The following MAML2 variants were observed in gnomAD, a reference collection of about 807,000 sequenced individuals.
MAML2 encodes the protein mastermind like transcriptional coactivator 2, also known as mastermind-like protein 2.
Under a neutral mutation model 96.1 loss-of-function variants are expected in MAML2, and 22 were observed. That is an observed-to-expected ratio of 0.23 (90% CI 0.16 to 0.33). The LOEUF (loss-of-function observed/expected upper bound fraction) is 0.33, where lower values mean the gene tolerates loss of function less well. Ranked by LOEUF, MAML2 falls within the 10% of genes least tolerant of loss-of-function variation. The probability of loss-of-function intolerance (pLI) is 1.00; values close to 1 mark genes in which losing one functional copy is unlikely to be tolerated. For missense variants in MAML2, 1,367 were observed against 1,392.4 expected, an observed-to-expected ratio of 0.98 and a Z score of 0.29; for synonymous variants, 561 against 521.3, an observed-to-expected ratio of 1.08 and a Z score of -1.04.
chr11:95,979,058 C>A lies in MAML2; in HGVS notation c.3361G>T (p.Ala1121Ser), dbSNP rs766799147. Residue 1121 changes from alanine (A) to serine (S), a missense_variant, in exon 5 of 5, where the codon GCC (alanine) becomes TCC (serine). Coordinates refer to ENST00000524717, the MANE Select transcript of MAML2 (RefSeq NM_032427.4). The part of the protein sequence containing the change: ...LSQQNDNMGP[A>S]LNSDADFIDS... ...ATGAAATCAGCATCACTGTTTAGGG[C>A]AGGGCCCATGTTATCATTTTGTTGG... The A allele has an allele frequency of 1.2e-6, 2 of 1,613,892 alleles. No individual in the cohort carries two copies. The highest frequency in any genetic ancestry group is 1.7e-6 in the Non-Finnish European group (2 of 1,179,892).
chr11:96,298,459 A>C (rs984114442), intron 1 of MAML2, among the ~76,000 whole-genome samples: 5 of 152,128 alleles, frequency 3.3e-5, no homozygotes, highest in African/African-American at 1.2e-4. Flanking sequence ...GAGACTCAGG[A>C]AATGTAAACA....
intron 2 of MAML2, among the ~76,000 whole-genome samples, chr11:96,047,834 C>T (rs1858926726): frequency 7.0e-6 from 1 of 143,002 alleles, no homozygotes; most frequent in African/African-American, 2.6e-5. Context: ...ATCGTTTGAA[C>T]CCAGGAGGCG....
intron 1 of MAML2, among the ~76,000 whole-genome samples, chr11:96,214,152 A>T (rs1862014659): frequency 6.6e-6 from 1 of 152,226 alleles, no homozygotes; most frequent in South Asian, 2.1e-4. Flanking sequence ...TTTCTATGGA[A>T]TATAATATAT....
At chr11:96,144,053 T>A (rs1040055686) in intron 1 of MAML2, among the ~76,000 whole-genome samples, 3 of 152,160 alleles carry the variant, frequency 2.0e-5, no homozygotes, top group African/African-American at 7.2e-5. Context: ...GCAATTGAAA[T>A]GATGAGTTTA....
intron 2 of MAML2, among the ~76,000 whole-genome samples, chr11:96,065,731 G>T (rs185784793): frequency 6.6e-6 from 1 of 152,322 alleles, no homozygotes; most frequent in African/African-American, 2.4e-5. Flanking sequence ...GGAACACAGA[G>T]AATTTAGGTA....
chr11:96,249,944 A>C (rs1212889711), intron 1 of MAML2, among the ~76,000 whole-genome samples: 1 of 152,118 alleles, frequency 6.6e-6, no homozygotes, highest in Non-Finnish European at 1.5e-5. Flanking sequence ...TGTTCCTGCT[A>C]CCTCTCAGAA....
At chr11:96,206,856 A>G (rs1413245842) in intron 1 of MAML2, among the ~76,000 whole-genome samples, 1 of 152,180 alleles carries the variant, frequency 6.6e-6, no homozygotes, top group Non-Finnish European at 1.5e-5. Flanking sequence ...GAGGTATGAA[A>G]AGGAGCACCG....
chr11:96,114,764 G>C (rs945393629), intron 1 of MAML2, among the ~76,000 whole-genome samples: 1 of 152,210 alleles, frequency 6.6e-6, no homozygotes, highest in Non-Finnish European at 1.5e-5. Flanking sequence ...AGGTGTCTTT[G>C]TCAGTAGAAA....
Position 96,172,187 on chromosome 11 carries a change from G to A in MAML2, c.514-78670C>T, listed in dbSNP as rs142280186. ...GGTGCTCAATAAATATTTTTTGAAT[G>A]AATACATGAATGCTTAAAACCTCAT... is the stretch of plus-strand genomic sequence containing the variant. On this transcript the variant is annotated intron_variant, in intron 1 of 4. Transcript: ENST00000524717. Among the ~76,000 whole-genome samples the A allele has an allele frequency of 3.3e-3, 503 of 152,298 alleles. 1 individual carries two copies. The highest frequency in any genetic ancestry group is 0.012 in the African/African-American group (482 of 41,552).
intron 1 of MAML2, among the ~76,000 whole-genome samples, chr11:96,104,178 A>T (rs1474443777): frequency 6.6e-6 from 1 of 152,166 alleles, no homozygotes; most frequent in African/African-American, 2.4e-5. Flanking sequence ...GTCTGTCTCC[A>T]CATGTTATAA....
At chr11:95,997,290 G>A (rs559798612) in intron 2 of MAML2, among the ~76,000 whole-genome samples, 2 of 152,170 alleles carry the variant, frequency 1.3e-5, no homozygotes, top group East Asian at 1.9e-4. Flanking sequence ...AGTTTTCCAC[G>A]TTTGTGAGTG....
chr11:95,976,804 G>A lies in MAML2; in HGVS notation c.*2144C>T, dbSNP rs1487613543. ...TGGGAAGTGCTGGCAGATATATACA[G>A]TAACATGGAGGAGCCATACAACAAA... On this transcript the variant is annotated 3_prime_UTR_variant, in exon 5 of 5. Transcript: ENST00000524717. The A allele has an allele frequency of 1.1e-5, 2 of 185,202 alleles. No homozygotes were observed. Among genetic ancestry groups the A allele is most frequent in the Non-Finnish European group, 2.3e-5 (2 of 87,520 alleles). 11.5% of individuals were successfully genotyped at this position (185,202 alleles called of 1,614,324 possible).
rs532450404 is a variant in MAML2 at position 96,295,296 on chromosome 11, CAG to C, written c.513+46085_513+46086del. Among the ~76,000 whole-genome samples, 228 of 152,152 alleles carry C rather than the reference CAG, an allele frequency of 1.5e-3. 1 individual carries two copies. Among genetic ancestry groups the C allele is most frequent in the African/African-American group, 5.2e-3 (217 of 41,514 alleles). ...CAGGCAAATAAACTTTCAATAAAAA[CAG>C]ACAGTCAGGATTAAAATGCTTTTCT... is the stretch of plus-strand genomic sequence containing the variant. On this transcript the variant is annotated intron_variant, in intron 1 of 4. Coordinates refer to ENST00000524717, the MANE Select transcript of MAML2 (RefSeq NM_032427.4).
At chr11:96,192,214 G>C (rs1407237163) in intron 1 of MAML2, among the ~76,000 whole-genome samples, 3 of 152,128 alleles carry the variant, frequency 2.0e-5, no homozygotes, top group Non-Finnish European at 4.4e-5. Context: ...AAACATGGTG[G>C]GTTGGATGGG....
At chr11:95,992,347 G>A (rs751424119) in intron 2 of MAML2, among the ~76,000 whole-genome samples, 36 of 152,046 alleles carry the variant, frequency 2.4e-4, no homozygotes, top group African/African-American at 7.5e-4. Flanking sequence ...AAGAATACCC[G>A]ACACACTGAC....
chr11:96,014,687 T>C (rs1858315961), intron 2 of MAML2, among the ~76,000 whole-genome samples: 1 of 152,254 alleles, frequency 6.6e-6, no homozygotes. Context: ...ATATTTGACT[T>C]GAACTGGTCT....
In MAML2 at chr11:96,092,772, G is replaced by T; in HGVS notation, c.1259C>A (p.Ala420Glu). The change falls in exon 2 of 5, where the codon GCA (alanine) becomes GAA (glutamate). Residue 420 changes from alanine to glutamate, a missense_variant. Coordinates refer to ENST00000524717, the MANE Select transcript of MAML2 (RefSeq NM_032427.4). The surrounding 1 kb of genome is among the most constrained non-coding windows in gnomAD (Gnocchi z 4.1). ...SQAQPQTGSG[A>E]SRALPSWQEV... is the part of the protein sequence containing the mutation. ...CTGCCAGCTTGGCAAGGCCCGGCTT[G>T]CTCCGGAGCCTGTCTGAGGCTGAGC... is the stretch of plus-strand genomic sequence containing the variant. 1.2e-6 allele frequency: 2 copies of T among 1,613,392 alleles called. No homozygotes were observed. Among genetic ancestry groups the T allele is most frequent in the African/African-American group, 1.3e-5 (1 of 75,052 alleles).
chr11:96,075,824 T>C (rs1033443577), intron 2 of MAML2, among the ~76,000 whole-genome samples: 1 of 152,210 alleles, frequency 6.6e-6, no homozygotes, highest in Non-Finnish European at 1.5e-5. Flanking sequence ...CTGTTTAATG[T>C]GTCATCTGCT....
At chr11:96,267,926 A>G (rs886113896) in intron 1 of MAML2, among the ~76,000 whole-genome samples, 2 of 152,194 alleles carry the variant, frequency 1.3e-5, no homozygotes, top group Non-Finnish European at 2.9e-5. Flanking sequence ...AGAACAACTC[A>G]GCAGTTTCTT....
Sources: allele counts gnomAD v4.1 joint callset (sites outside exome capture counted in the v4.1 genomes callset), GRCh38; gene constraint gnomAD v4.1.1; non-coding constraint Gnocchi (gnomAD v3.1); transcripts MANE v1.5; gene names NCBI Gene and HGNC (gene_info 2026-07-23, HGNC 2026-07-21).